FGGY: variants seen among roughly 807,000 people sequenced by gnomAD.
FGGY encodes the protein FGGY carbohydrate kinase domain containing, also known as FGGY carbohydrate kinase domain-containing protein.
FGGY carries 72 observed loss-of-function variants against 71.3 expected under a neutral mutation model. That is an observed-to-expected ratio of 1.01 (90% CI 0.84 to 1.23). FGGY has a LOEUF of 1.23. Ranked by LOEUF, FGGY falls within the 50% of genes most tolerant of loss-of-function variation. FGGY has a pLI of 0.00. For missense variants in FGGY, 668 were observed against 682.3 expected, an observed-to-expected ratio of 0.98 and a Z score of 0.23; for synonymous variants, 251 against 250.3, an observed-to-expected ratio of 1.00 and a Z score of -0.02.
intron 2 of FGGY, 136 bp downstream of exon 2, chr1:59,321,886 AGCTCACAGTCTACTG>A: frequency 1.3e-6 from 1 of 776,336 alleles, no homozygotes; most frequent in Non-Finnish European, 2.1e-6. Flanking sequence ...GCCCTTCAGG[AGCTCACAGTCTACTG>A]GCAGAGACTG....
chr1:59,475,623 A>T (rs1056494916), intron 6 of FGGY, among the ~76,000 whole-genome samples: 3 of 152,234 alleles, frequency 2.0e-5, no homozygotes, highest in Non-Finnish European at 4.4e-5. Flanking sequence ...CAAACCTAGA[A>T]GTCATTCTTA....
intron 14 of FGGY, among the ~76,000 whole-genome samples, chr1:59,726,971 G>A (rs1173440665): frequency 6.6e-6 from 1 of 151,940 alleles, no homozygotes; most frequent in Non-Finnish European, 1.5e-5. Flanking sequence ...CTAAGGTTTG[G>A]GTACAGATCC....
chr1:59,393,174 T>G (rs1443480444), intron 5 of FGGY: 1 of 152,008 alleles, frequency 6.6e-6, no homozygotes, highest in Non-Finnish European at 1.5e-5. Flanking sequence ...CTGTTAGGAG[T>G]CTTATGTTCT....
intron 14 of FGGY, among the ~76,000 whole-genome samples, chr1:59,717,252 T>C (rs1273091758): frequency 6.6e-6 from 1 of 152,168 alleles, no homozygotes. Context: ...TGAGATTTTA[T>C]AGGGTAATCT....
chr1:59,728,243 A>G (rs1177352414), intron 14 of FGGY, among the ~76,000 whole-genome samples: 1 of 152,048 alleles, frequency 6.6e-6, no homozygotes, highest in African/African-American at 2.4e-5. Flanking sequence ...TGTAGTATAC[A>G]TGTTTAATCT....
At chr1:59,460,451 G>A (rs1361888027) in intron 6 of FGGY, among the ~76,000 whole-genome samples, 4 of 152,212 alleles carry the variant, frequency 2.6e-5, no homozygotes, top group Non-Finnish European at 5.9e-5. Context: ...CCCTGCCTCT[G>A]TAGACCCCAC....
intron 14 of FGGY, among the ~76,000 whole-genome samples, chr1:59,708,611 G>A (rs187160942): frequency 1.3e-5 from 2 of 152,182 alleles, no homozygotes; most frequent in African/African-American, 4.8e-5. Flanking sequence ...GAGGTTATGT[G>A]AGGTGGGTAG....
chr1:59,516,071 G>GT (rs568861349), intron 7 of FGGY, among the ~76,000 whole-genome samples: 10 of 145,458 alleles, frequency 6.9e-5, no homozygotes, highest in African/African-American at 2.5e-4. Flanking sequence ...TGTTGACTAT[G>GT]TTTTATCCTT....
intron 5 of FGGY, among the ~76,000 whole-genome samples, chr1:59,434,971 A>G (rs1041271784): frequency 3.3e-5 from 5 of 152,214 alleles, no homozygotes; most frequent in Non-Finnish European, 5.9e-5. Context: ...AAAAATTTAC[A>G]ACTCCTTATT....
At chr1:59,360,074 C>T (rs912382694) in intron 4 of FGGY, among the ~76,000 whole-genome samples, 6 of 151,340 alleles carry the variant, frequency 4.0e-5, no homozygotes, top group African/African-American at 1.5e-4. Flanking sequence ...CTCATTTTAC[C>T]GATTAATTAT....
chr1:59,527,525 C>A (rs2095024829), intron 7 of FGGY, among the ~76,000 whole-genome samples: 1 of 152,186 alleles, frequency 6.6e-6, no homozygotes. Context: ...TCTCTTCACC[C>A]CATTGTCTCT....
chr1:59,334,162 A>AG (rs1450515638), intron 2 of FGGY, among the ~76,000 whole-genome samples: 1 of 151,792 alleles, frequency 6.6e-6, no homozygotes, highest in African/African-American at 2.4e-5. Flanking sequence ...ATTTTTTTTG[A>AG]GATGGAGTCT....
intron 8 of FGGY, among the ~76,000 whole-genome samples, chr1:59,572,172 C>G (rs1203868784): frequency 6.6e-6 from 1 of 152,050 alleles, no homozygotes; most frequent in Non-Finnish European, 1.5e-5. Flanking sequence ...GCTATCAGAA[C>G]ATAGAGCCAA....
chr1:59,722,981 TAG>T (rs1161206560), intron 14 of FGGY, among the ~76,000 whole-genome samples: 1 of 152,146 alleles, frequency 6.6e-6, no homozygotes, highest in Non-Finnish European at 1.5e-5. Flanking sequence ...GTATTTTTAG[TAG>T]AGACGGGGTT....
intron 6 of FGGY, among the ~76,000 whole-genome samples, chr1:59,485,602 T>C (rs895727698): frequency 6.6e-6 from 1 of 152,144 alleles, no homozygotes; most frequent in African/African-American, 2.4e-5. Flanking sequence ...GTTTTTGCTT[T>C]ATTAGAAAAT....
chr1:59,507,684 A>ATTTTTTTTTTTTTTTTTTTTTTTTTT (rs561953004), intron 6 of FGGY, among the ~76,000 whole-genome samples: 22 of 106,906 alleles, frequency 2.1e-4, no homozygotes, highest in African/African-American at 4.5e-4. Flanking sequence ...TGCTTGGCTA[A>ATTTTTTTTTTTTTTTTTTTTTTTTTT]TTTTTTTTTT....
intron 1 of FGGY, among the ~76,000 whole-genome samples, chr1:59,314,833 T>A (rs1441447302): frequency 6.6e-6 from 1 of 152,226 alleles, no homozygotes; most frequent in Non-Finnish European, 1.5e-5. Flanking sequence ...ATGTCTTCAG[T>A]TGTCAAGACA....
chr1:59,519,194 A>G (rs1476900717), intron 7 of FGGY, among the ~76,000 whole-genome samples: 1 of 152,226 alleles, frequency 6.6e-6, no homozygotes, highest in African/African-American at 2.4e-5. Flanking sequence ...GTTATAAAGA[A>G]TGGCCTACCT....
At chr1:59,357,604 G>T (rs895462753) in intron 4 of FGGY, among the ~76,000 whole-genome samples, 2 of 152,144 alleles carry the variant, frequency 1.3e-5, no homozygotes, top group Admixed American at 1.3e-4. Context: ...ATATGTGTGT[G>T]TGTGTGTTAT....
Sources: gnomAD v4.1 joint callset for allele counts (sites outside exome capture counted in the v4.1 genomes callset) on GRCh38, gnomAD v4.1.1 for gene constraint, MANE v1.5 for transcripts, NCBI Gene and HGNC (gene_info 2026-07-23, HGNC 2026-07-21) for gene names.